The following BRINP3 variants were observed in gnomAD, a reference collection of about 807,000 sequenced individuals.
BRINP3 encodes BMP/retinoic acid inducible neural specific 3.
Under a neutral mutation model 71.0 loss-of-function variants are expected in BRINP3, and 19 were observed. The observed-to-expected ratio is 0.27, with a 90% confidence interval of 0.19 to 0.39. BRINP3 has a LOEUF of 0.39. Among genes scored for constraint, BRINP3 ranks in the 10% least tolerant of loss-of-function variants. The pLI, the probability that BRINP3 is intolerant of heterozygous loss-of-function variation, is 1.00. For missense variants in BRINP3, 959 were observed against 940.8 expected (o/e 1.02, Z -0.25); for synonymous variants, 380 against 337.7 (o/e 1.13, Z -1.37).
At chr1:190,320,299 T>C (rs1666154542) in intron 2 of BRINP3, among the ~76,000 whole-genome samples, 1 of 152,002 alleles carries the variant, frequency 6.6e-6, no homozygotes, top group Admixed American at 6.6e-5. Context: ...TTTACTCGAT[T>C]TTTAGTGAAC....
At chr1:190,279,402 C>T (rs1662870893) in intron 3 of BRINP3, among the ~76,000 whole-genome samples, 1 of 151,810 alleles carries the variant, frequency 6.6e-6, no homozygotes, top group African/African-American at 2.4e-5. Context: ...TGTCCCATCA[C>T]ATAGGTGTTA....
chr1:190,281,861 A>T, intron 2 of BRINP3, 111 bp from the exon 3 acceptor site: 1 of 957,452 alleles, frequency 1.0e-6, no homozygotes, highest in Non-Finnish European at 1.5e-6. Context: ...TGCTTGTAAT[A>T]CTAGGTTGTG....
chr1:190,138,190 G>T (rs1282356072), intron 7 of BRINP3, among the ~76,000 whole-genome samples: 1 of 152,018 alleles, frequency 6.6e-6, no homozygotes, highest in Admixed American at 6.6e-5. Flanking sequence ...CCGACCTCAG[G>T]TGATCTGCCC....
intron 6 of BRINP3, among the ~76,000 whole-genome samples, chr1:190,200,691 G>T (rs544897698): frequency 1.3e-5 from 2 of 152,142 alleles, no homozygotes; most frequent in Non-Finnish European, 2.9e-5. Context: ...GGAGGGGCCC[G>T]GTAGGAGATG....
intron 2 of BRINP3, among the ~76,000 whole-genome samples, chr1:190,308,130 C>T (rs932734001): frequency 1.3e-5 from 2 of 151,724 alleles, no homozygotes; most frequent in African/African-American, 4.8e-5. Flanking sequence ...ACTGTGGCTT[C>T]GATAGTTTTC....
intron 2 of BRINP3, among the ~76,000 whole-genome samples, chr1:190,390,299 G>T (rs1011973726): frequency 5.3e-5 from 8 of 151,712 alleles, no homozygotes; most frequent in African/African-American, 1.9e-4. Flanking sequence ...TAAATTTCCA[G>T]ATTAAAGGTG....
chr1:190,304,645 TAAGA>T (rs1490007292), intron 2 of BRINP3, among the ~76,000 whole-genome samples: 3 of 151,864 alleles, frequency 2.0e-5, no homozygotes, highest in African/African-American at 7.2e-5. Context: ...GATTTAAATT[TAAGA>T]CTTGAAACTA....
intron 4 of BRINP3, among the ~76,000 whole-genome samples, chr1:190,259,035 T>G (rs1660930023): frequency 6.6e-6 from 1 of 152,090 alleles, no homozygotes; most frequent in Admixed American, 6.6e-5. Flanking sequence ...AGTTCACATC[T>G]AGATGGTTTC....
chr1:190,428,770 T>C (rs916896785), intron 2 of BRINP3, among the ~76,000 whole-genome samples: 2 of 152,088 alleles, frequency 1.3e-5, no homozygotes, highest in Non-Finnish European at 2.9e-5. Context: ...TATCACATGG[T>C]ATTCCATAAA....
chr1:190,348,858 G>A (rs1419114334), intron 2 of BRINP3, among the ~76,000 whole-genome samples: 1 of 152,078 alleles, frequency 6.6e-6, no homozygotes, highest in Non-Finnish European at 1.5e-5. Context: ...TTAATCCAGT[G>A]TAAAATTCAC....
chr1:190,194,583 G>C (rs1349716919), intron 6 of BRINP3, among the ~76,000 whole-genome samples: 1 of 152,074 alleles, frequency 6.6e-6, no homozygotes, highest in Non-Finnish European at 1.5e-5. Flanking sequence ...AAAACGAAAA[G>C]CAGTAGTGAA....
rs534213537 is a variant in BRINP3 at position 190,467,246 on chromosome 1, A to G, written c.-51+10202T>C. ...TTAGTAGATTAATTTTAAAAAGTGT[A>G]CTACAAATAGCAAAAAACTGTAAGC... is the stretch of plus-strand genomic sequence containing the variant. On this transcript the variant is annotated intron_variant, in intron 1 of 7. Coordinates refer to ENST00000367462, the MANE Select transcript of BRINP3 (RefSeq NM_199051.3). Among the ~76,000 whole-genome samples the G allele has an allele frequency of 3.3e-5, 5 of 151,764 alleles. No homozygotes were observed. In the South Asian group the frequency reaches 1.0e-3, roughly 31 times the overall value.
At chr1:190,347,376 A>C (rs1294655808) in intron 2 of BRINP3, among the ~76,000 whole-genome samples, 1 of 152,022 alleles carries the variant, frequency 6.6e-6, no homozygotes, top group Non-Finnish European at 1.5e-5. Context: ...TCCTGACCTC[A>C]TGATCCGCCC....
chr1:190,139,357 CG>C lies in BRINP3; in HGVS notation c.1184+21310del, dbSNP rs1655237256. ...ATCCCAGCTACCTGGGAGGCTTAAG[CG>C]GGAGAATCACTTGAACCTGGGAAGC... On this transcript the variant is annotated intron_variant, in intron 7 of 7. Transcript: ENST00000367462. Among the ~76,000 whole-genome samples the C allele has an allele frequency of 3.4e-5, 5 of 146,894 alleles. No homozygotes were observed. The South Asian group carries it at 1.1e-3, about 32-fold the overall frequency.
intron 2 of BRINP3, among the ~76,000 whole-genome samples, chr1:190,315,255 G>C (rs1381123989): frequency 1.3e-5 from 2 of 152,112 alleles, no homozygotes; most frequent in East Asian, 3.9e-4. Flanking sequence ...GAAATACTTT[G>C]AGAAACAGTG....
chr1:190,106,772 A>G (rs1009678952), intron 7 of BRINP3, among the ~76,000 whole-genome samples: 1 of 151,770 alleles, frequency 6.6e-6, no homozygotes, highest in African/African-American at 2.4e-5. Context: ...TAAAACCTGG[A>G]CTTATTTTCA....
intron 7 of BRINP3, among the ~76,000 whole-genome samples, chr1:190,112,277 T>A (rs1425527737): frequency 1.3e-5 from 2 of 152,168 alleles, no homozygotes; most frequent in East Asian, 3.9e-4. Flanking sequence ...TAAGTATGTG[T>A]TTTCAGCCTC....
intron 2 of BRINP3, among the ~76,000 whole-genome samples, chr1:190,436,847 T>C (rs764799030): frequency 5.3e-5 from 8 of 151,852 alleles, no homozygotes; most frequent in African/African-American, 1.2e-4. Flanking sequence ...ATTGTATTTA[T>C]TGAGCATATG....
intron 6 of BRINP3, among the ~76,000 whole-genome samples, chr1:190,218,843 C>G (rs1219146412): frequency 1.3e-5 from 2 of 152,074 alleles, no homozygotes; most frequent in Non-Finnish European, 2.9e-5. Flanking sequence ...CATTTACTAA[C>G]TCTTCCTAAA....
Sources: allele counts gnomAD v4.1 joint callset (sites outside exome capture counted in the v4.1 genomes callset), GRCh38; gene constraint gnomAD v4.1.1; transcripts MANE v1.5; gene names NCBI Gene and HGNC (gene_info 2026-07-23, HGNC 2026-07-21).